AIFM1: variants seen among roughly 807,000 people sequenced by gnomAD.
The protein encoded by AIFM1 is apoptosis inducing factor mitochondria associated 1.
A neutral mutation model predicts 51.7 loss-of-function variants in AIFM1; 3 were observed. That is an observed-to-expected ratio of 0.06 (90% confidence interval 0.03 to 0.15). The LOEUF (loss-of-function observed/expected upper bound fraction) is 0.15. Among genes scored for constraint, AIFM1 ranks in the 10% least tolerant of loss-of-function variants. The probability of loss-of-function intolerance (pLI) is 1.00; values close to 1 mark genes in which losing one functional copy is unlikely to be tolerated. For synonymous variants in AIFM1, 178 were observed against 179.4 expected (o/e 0.99, Z 0.06); for missense variants, 330 against 476.8 (o/e 0.69, Z 2.87).
At chrX:130,140,352 C>CA (rs1280997236) in intron 7 of AIFM1, among the ~76,000 whole-genome samples, 181 bp downstream of exon 7, 2 of 112,255 alleles carry the variant, frequency 1.8e-5, no homozygotes, top group Non-Finnish European at 3.8e-5. Flanking sequence ...AAGGATCATC[C>CA]AGAAGGGCTG....
chrX:130,153,178 CAAAA>C (rs34591824), intron 2 of AIFM1, among the ~76,000 whole-genome samples: 1 of 43,915 alleles, frequency 2.3e-5, no homozygotes, highest in African/African-American at 8.5e-5. Context: ...ACTAAAAATA[CAAAA>C]AAAAAAAAAA....
At chrX:130,133,271 T>C (rs2030177516) in intron 13 of AIFM1, 42 bp downstream of exon 13, 1 of 1,203,726 alleles carries the variant, frequency 8.3e-7, no homozygotes, top group African/African-American at 1.8e-5. Context: ...CTAGAGATAC[T>C]GAGTTGTAAT....
chrX:130,139,160 T>C (rs2030483845), intron 8 of AIFM1, among the ~76,000 whole-genome samples: 1 of 101,925 alleles, frequency 9.8e-6, no homozygotes, highest in Non-Finnish European at 2.0e-5. Context: ...ACGTCCCTAC[T>C]AAAAATACAA....
chrX:130,161,578 T>C (rs970998945), intron 1 of AIFM1, among the ~76,000 whole-genome samples: 2 of 108,653 alleles, frequency 1.8e-5, no homozygotes, highest in Non-Finnish European at 3.8e-5. Flanking sequence ...TAAATGATTC[T>C]TTACAAGGGA....
intron 6 of AIFM1, among the ~76,000 whole-genome samples, chrX:130,141,190 T>C (rs949034883): frequency 8.9e-6 from 1 of 112,132 alleles, no homozygotes; most frequent in Admixed American, 9.5e-5. Context: ...AAAAAAGTTG[T>C]CAGCCCAATA....
chrX:130,146,154 T>A (rs185332191), intron 5 of AIFM1, among the ~76,000 whole-genome samples: 1 of 112,052 alleles, frequency 8.9e-6, no homozygotes, highest in Admixed American at 9.5e-5. Flanking sequence ...TATATTAATA[T>A]TGGCTGAGTG....
chrX:130,155,411 A>G, intron 2 of AIFM1: 1 of 771,434 alleles, frequency 1.3e-6, no homozygotes, highest in Non-Finnish European at 1.9e-6. Flanking sequence ...AAGGAAAAAG[A>G]AAAAAATGCT....
At chrX:130,158,406 A>G (rs1414311230) in intron 1 of AIFM1, among the ~76,000 whole-genome samples, 1 of 112,238 alleles carries the variant, frequency 8.9e-6, no homozygotes, top group Non-Finnish European at 1.9e-5. Context: ...GTGGTTTTCA[A>G]ACTTGAGAGT....
At position 130,133,542 on chromosome X, in the gene AIFM1, A is replaced by G. The variant is rs1197260373; in HGVS notation, c.1306-87T>C. 5.6e-6 allele frequency: 6 copies of G among 1,075,005 alleles called. No homozygotes were observed. The East Asian group carries it at 1.2e-4, about 22-fold the overall frequency. The allele number at this position is 1,075,005 out of a possible 1,213,427, so 88.6% of individuals were successfully genotyped here. On this transcript the variant is annotated intron_variant, in intron 12 of 15. Coordinates refer to ENST00000287295, the MANE Select transcript of AIFM1 (RefSeq NM_004208.4). ...AAATATAAACTTTGGGGGCTCAAAG[A>G]ACACTTGTAATGGTAACTAATTCAT... is the stretch of plus-strand genomic sequence containing the variant.
In AIFM1 at chrX:130,136,693, C is replaced by T. The variant is rs1056740593; in HGVS notation, c.1114G>A (p.Val372Ile). Residue 372 changes from valine to isoleucine, a missense_variant, in exon 11 of 16, where the codon GTT becomes ATT. By Grantham distance (29) the Val-to-Ile change is conservative. Transcript: ENST00000287295. ...KVMPNAIVQSVGVSSGKLLIK... is the reference protein window; with the variant it reads ...KVMPNAIVQSIGVSSGKLLIK... ...AGTAACTTGCCACTGCTGACTCCAACGGATTGCACAATAGCATTGGGCATC... is the reference window on the plus strand; with the variant it reads ...AGTAACTTGCCACTGCTGACTCCAATGGATTGCACAATAGCATTGGGCATC... 4.1e-6 allele frequency: 5 copies of T among 1,210,787 alleles called. No individual in the cohort carries two copies. The highest frequency in any genetic ancestry group is 1.7e-5 in the African/African-American group (1 of 57,545).
At chrX:130,132,917 T>G (rs757626487) in intron 13 of AIFM1, among the ~76,000 whole-genome samples, 2 of 110,262 alleles carry the variant, frequency 1.8e-5, no homozygotes, top group African/African-American at 3.3e-5. Context: ...CAGCTAATTT[T>G]TGTATTTTTA....
At chrX:130,137,828 C>T (rs763039004) in intron 9 of AIFM1, 225 of 796,210 alleles carry the variant, frequency 2.8e-4, no homozygotes, top group African/African-American at 1.6e-3. Context: ...TTTGGGTGGC[C>T]GAGGTGGGTG....
At chrX:130,137,854 G>A (rs2030412145) in intron 9 of AIFM1, 1 of 604,400 alleles carries the variant, frequency 1.7e-6, no homozygotes, top group African/African-American at 2.5e-5. Context: ...CCTGAGGTTG[G>A]GAGTTCAAGA....
Position 130,165,576 on chromosome X carries a change from G to A in AIFM1, c.81C>T (p.Ser27=). 8.3e-7 allele frequency: 1 copy of A among 1,198,787 alleles called. No individual in the cohort carries two copies. Among genetic ancestry groups the A allele is most frequent in the Non-Finnish European group, 1.1e-6 (1 of 888,455 alleles). Residue 27 remains serine, a synonymous_variant, in exon 1 of 16, where the codon AGC becomes AGT. Coordinates refer to ENST00000287295, the MANE Select transcript of AIFM1 (RefSeq NM_004208.4). ...VPLVRTVCVR[S]PRQRNRLPGN... ...CTGGGAGCCGGTTCCTCTGCCTCGG[G>A]CTTCGGACGCACACGGTCCGCACCA...
intron 6 of AIFM1, among the ~76,000 whole-genome samples, chrX:130,142,490 C>T (rs1311100825): frequency 9.0e-6 from 1 of 111,580 alleles, no homozygotes; most frequent in Admixed American, 9.5e-5. Flanking sequence ...CCACCACCCC[C>T]GTCCAGCCTA....
chrX:130,148,414 G>C (rs1603227565), intron 3 of AIFM1, among the ~76,000 whole-genome samples: 2 of 111,924 alleles, frequency 1.8e-5, no homozygotes, highest in African/African-American at 6.5e-5. Context: ...AAATTGAAGT[G>C]AATCATGTGA....
intron 2 of AIFM1, among the ~76,000 whole-genome samples, chrX:130,151,614 C>A (rs935303752): frequency 7.1e-5 from 8 of 112,040 alleles, no homozygotes; most frequent in Non-Finnish European, 1.5e-4. Context: ...AATAGTTACT[C>A]CTTGAATTTA....
chrX:130,145,751 C>G (rs1186523455), intron 5 of AIFM1, among the ~76,000 whole-genome samples, 182 bp from the exon 6 acceptor site: 1 of 112,015 alleles, frequency 8.9e-6, no homozygotes, highest in African/African-American at 3.2e-5. Context: ...ATCAGTGGTT[C>G]TCAACTTGGG....
chrX:130,130,260 G>C, intron 14 of AIFM1, 94 bp from the exon 15 acceptor site: 2 of 1,012,955 alleles, frequency 2.0e-6, no homozygotes, highest in South Asian at 3.9e-5. Flanking sequence ...ACAGTCTTTC[G>C]AGGCCTGCTT....
Sources: allele counts gnomAD v4.1 joint callset (sites outside exome capture counted in the v4.1 genomes callset), GRCh38; gene constraint gnomAD v4.1.1; transcripts MANE v1.5; gene names NCBI Gene and HGNC (gene_info 2026-07-23, HGNC 2026-07-21).